MYO3B: variants seen among roughly 807,000 people sequenced by gnomAD.
MYO3B encodes myosin IIIB, also known as myosin-IIIb.
In MYO3B, 156 loss-of-function variants were observed where a neutral mutation model predicts 174.6. The observed-to-expected ratio is 0.89, with a 90% CI of 0.78 to 1.02. MYO3B has a LOEUF of 1.02. MYO3B is among the 50% of genes least tolerant of loss of function. The pLI, the probability that MYO3B is intolerant of heterozygous loss-of-function variation, is 0.00. For missense variants in MYO3B, 1,632 were observed against 1,639.4 expected, an observed-to-expected ratio of 1.00 and a Z score of 0.08; for synonymous variants, 563 against 569.1, an observed-to-expected ratio of 0.99 and a Z score of 0.15.
chr2:170,450,620 C>T (rs1243741061), intron 23 of MYO3B, among the ~76,000 whole-genome samples: 1 of 151,800 alleles, frequency 6.6e-6, no homozygotes, highest in Non-Finnish European at 1.5e-5. Flanking sequence ...TTCATTGTCT[C>T]TAATATTACA....
At chr2:170,276,877 G>C (rs1233258435) in intron 7 of MYO3B, among the ~76,000 whole-genome samples, 1 of 151,970 alleles carries the variant, frequency 6.6e-6, no homozygotes, top group South Asian at 2.1e-4. Context: ...CTCATTTCTG[G>C]TTTCTATATA....
intron 28 of MYO3B, among the ~76,000 whole-genome samples, chr2:170,514,486 T>G (rs1313469459): frequency 6.6e-6 from 1 of 152,152 alleles, no homozygotes; most frequent in Non-Finnish European, 1.5e-5. Context: ...CGGAGCAGCT[T>G]CCTGGGAGAG....
intron 25 of MYO3B, among the ~76,000 whole-genome samples, chr2:170,471,236 G>C (rs542619597): frequency 6.6e-6 from 1 of 152,106 alleles, no homozygotes; most frequent in African/African-American, 2.4e-5. Flanking sequence ...TTTTAATAGA[G>C]ATGGGGTTTC....
intron 25 of MYO3B, among the ~76,000 whole-genome samples, chr2:170,487,442 C>A (rs573774513): frequency 8.5e-5 from 13 of 152,316 alleles, no homozygotes; most frequent in Non-Finnish European, 1.5e-4. Flanking sequence ...ATGCCTGATA[C>A]ATCAGTAGAT....
intron 6 of MYO3B, among the ~76,000 whole-genome samples, chr2:170,235,231 T>C (rs1292066820): frequency 6.6e-6 from 1 of 152,240 alleles, no homozygotes; most frequent in African/African-American, 2.4e-5. Context: ...ATCCTCTGGC[T>C]CACTCCTGAC....
rs1468795955 is a variant in MYO3B at position 170,533,782 on chromosome 2, CTTTAA to C, written c.3576-9116_3576-9112del. Among the ~76,000 whole-genome samples the C allele has an allele frequency of 2.0e-5, 3 of 152,234 alleles. No individual in the cohort carries two copies. In the South Asian group the frequency reaches 6.2e-4, roughly 32 times the overall value. On this transcript the variant is annotated intron_variant, in intron 30 of 34. Transcript: ENST00000408978. ...TTCTAACTTCTGACTATATATGCAT[CTTTAA>C]TTTAATTATTTTAAAACCTTGTCTT... is the stretch of plus-strand genomic sequence containing the variant.
At chr2:170,536,258 A>G (rs1689675497) in intron 30 of MYO3B, among the ~76,000 whole-genome samples, 1 of 152,244 alleles carries the variant, frequency 6.6e-6, no homozygotes, top group African/African-American at 2.4e-5. Context: ...AACTACTGCT[A>G]ACTTAGAGCA....
chr2:170,289,940 A>C (rs893934422), intron 7 of MYO3B, among the ~76,000 whole-genome samples: 3 of 152,002 alleles, frequency 2.0e-5, no homozygotes, highest in Admixed American at 6.6e-5. Context: ...TTTCCTTCTT[A>C]ATTTCATTGA....
At chr2:170,490,204 A>G (rs1457820079) in intron 25 of MYO3B, among the ~76,000 whole-genome samples, 3 of 151,420 alleles carry the variant, frequency 2.0e-5, no homozygotes, top group Non-Finnish European at 4.4e-5. Context: ...AATTTTTTGT[A>G]CTTTTAGTAG....
chr2:170,581,956 C>G (rs1049636960), intron 32 of MYO3B, among the ~76,000 whole-genome samples: 19 of 152,096 alleles, frequency 1.2e-4, no homozygotes, highest in African/African-American at 4.3e-4. Context: ...GGTAAAAACA[C>G]CCCCAAAAGT....
intron 25 of MYO3B, among the ~76,000 whole-genome samples, chr2:170,481,972 G>A (rs748098511): frequency 6.6e-6 from 1 of 152,048 alleles, no homozygotes; most frequent in Non-Finnish European, 1.5e-5. Context: ...TATAACCTTG[G>A]TGATATGGTT....
At chr2:170,358,184 C>T (rs1399197502) in intron 8 of MYO3B, among the ~76,000 whole-genome samples, 1 of 150,594 alleles carries the variant, frequency 6.6e-6, no homozygotes, top group Admixed American at 6.6e-5. Context: ...AAAGTAGAAA[C>T]AACCTAAGTG....
At chr2:170,479,564 G>T (rs1000336648) in intron 25 of MYO3B, among the ~76,000 whole-genome samples, 1 of 144,352 alleles carries the variant, frequency 6.9e-6, no homozygotes, top group Non-Finnish European at 1.5e-5. Context: ...ATAAATGTAT[G>T]TTTTATATAT....
intron 32 of MYO3B, among the ~76,000 whole-genome samples, chr2:170,632,336 G>T (rs868864282): frequency 6.6e-6 from 1 of 152,006 alleles, no homozygotes; most frequent in South Asian, 2.1e-4. Context: ...ACTCAAAACC[G>T]CTCAACTACA....
intron 23 of MYO3B, among the ~76,000 whole-genome samples, chr2:170,451,881 A>G (rs938011383): frequency 1.3e-5 from 2 of 152,206 alleles, no homozygotes; most frequent in African/African-American, 4.8e-5. Context: ...CCATTTTTAT[A>G]TCACATCCTG....
chr2:170,397,395 A>G (rs2094447632), intron 16 of MYO3B, among the ~76,000 whole-genome samples: 2 of 152,188 alleles, frequency 1.3e-5, no homozygotes, highest in East Asian at 3.8e-4. Flanking sequence ...TAGAGTACCA[A>G]ATCAAGTTAC....
chr2:170,432,757 A>G (rs2094721416), intron 22 of MYO3B, among the ~76,000 whole-genome samples: 3 of 150,980 alleles, frequency 2.0e-5, no homozygotes, highest in Admixed American at 2.0e-4. Context: ...TTGTATTTTT[A>G]GTAGAGACAG....
At chr2:170,441,341 T>A (rs2094799460) in intron 22 of MYO3B, among the ~76,000 whole-genome samples, 1 of 152,220 alleles carries the variant, frequency 6.6e-6, no homozygotes, top group Non-Finnish European at 1.5e-5. Flanking sequence ...TGAATCCTTG[T>A]CTTGTTTTTG....
intron 8 of MYO3B, among the ~76,000 whole-genome samples, chr2:170,368,441 C>A (rs367805431): frequency 2.0e-5 from 3 of 152,258 alleles, no homozygotes; most frequent in African/African-American, 7.2e-5. Context: ...TCCCTGTATC[C>A]AAATCATCTT....
Sources: gnomAD v4.1 joint callset for allele counts (sites outside exome capture counted in the v4.1 genomes callset) on GRCh38, gnomAD v4.1.1 for gene constraint, MANE v1.5 for transcripts, NCBI Gene and HGNC (gene_info 2026-07-23, HGNC 2026-07-21) for gene names.